Variants in DNAH1 observed in about 807,000 individuals in gnomAD.
DNAH1 encodes the protein dynein axonemal heavy chain 1.
Under a neutral mutation model 484.3 loss-of-function variants are expected in DNAH1, and 327 were observed. The ratio of observed to expected loss-of-function variants is 0.68; its 90% CI spans 0.62 to 0.74. The LOEUF is 0.74. Among genes scored for constraint, DNAH1 ranks in the 30% least tolerant of loss-of-function variants. DNAH1 has a pLI of 0.00. For synonymous variants in DNAH1, 2,192 were observed against 2,191.9 expected (o/e 1.00, Z 0.00); for missense variants, 5,052 against 5,546.8 (o/e 0.91, Z 2.83).
intron 46 of DNAH1, among the ~76,000 whole-genome samples, chr3:52,377,633 AT>A (rs1363815856): frequency 6.6e-6 from 1 of 151,508 alleles, no homozygotes; most frequent in Non-Finnish European, 1.5e-5. Context: ...TCATCCCCTC[AT>A]TGCTGGTCCT....
At position 52,388,445 on chromosome 3, in the gene DNAH1, C is replaced by G. The variant is rs758105617; in HGVS notation, c.9199C>G (p.Leu3067Val). 1 of 1,612,684 alleles carries G rather than the reference C, an allele frequency of 6.2e-7. No homozygotes were observed. The highest frequency in any genetic ancestry group is 8.5e-7 in the Non-Finnish European group (1 of 1,179,386). ...RQALLEAQDD[L>V]GVTQRILDEA... ...AGCCCTGCTGGAGGCCCAGGATGAC[C>G]TGGGGGTGACACAGAGGATCCTGGA... Residue 3067 changes from leucine to valine, a missense_variant, in exon 58 of 78, where the codon CTG becomes GTG. This residue lies in a region of DNAH1 where 2,929 missense variants were observed against 3,409.4 expected (regional missense o/e 0.86). Transcript: ENST00000420323.
intron 3 of DNAH1, among the ~76,000 whole-genome samples, chr3:52,325,209 C>A (rs1701293213): frequency 6.6e-6 from 1 of 152,192 alleles, no homozygotes; most frequent in African/African-American, 2.4e-5. Context: ...GGACACTGCC[C>A]AGGCACCACC....
rs539596030 is a variant in DNAH1, at chr3:52,326,243, C to T, written c.510C>T (p.Ala170=). Residue 170 remains alanine (A), a synonymous_variant, in exon 4 of 78, where the codon GCC becomes GCT. Transcript: ENST00000420323. ...CCCAGACTGACTTCCCACTGCAGGCCTACGAGCCCAAGATGCAGGTGCCTT... is the reference window on the plus strand; with the variant it reads ...CCCAGACTGACTTCCCACTGCAGGCTTACGAGCCCAAGATGCAGGTGCCTT... ...LLAQTDFPLQ[A]YEPKMQVPFQ... 3.7e-6 allele frequency: 6 copies of T among 1,613,092 alleles called. No homozygotes were observed. Among genetic ancestry groups the T allele is most frequent in the Non-Finnish European group, 5.1e-6 (6 of 1,179,730 alleles).
At chr3:52,357,206 C>T (rs965728284) in intron 22 of DNAH1, among the ~76,000 whole-genome samples, 5 of 151,982 alleles carry the variant, frequency 3.3e-5, no homozygotes, top group African/African-American at 4.8e-5. Context: ...CATGCGCCAC[C>T]ACGCGTGGCT....
Position 52,344,554 on chromosome 3 carries a change from A to G in DNAH1, c.1351A>G (p.Lys451Glu), listed in dbSNP as rs76591348. The G allele has an allele frequency of 1.2e-3, 1,875 of 1,614,012 alleles. 6 individuals carry two copies. The highest frequency in any genetic ancestry group is 4.5e-3 in the Middle Eastern group (27 of 6,062). ...CCTGGACTATGAGCGCAGCATGAAC[A>G]AGATCAACTTTGACCACGTTGTCTC... ...VSLDYERSMN[K>E]INFDHVVSSK... is the part of the protein sequence containing the mutation. The change falls in exon 9 of 78, where the codon AAG (lysine) becomes GAG (glutamate). Residue 451 changes from lysine (K) to glutamate (E), a missense_variant. Lys to Glu is a moderately conservative substitution (Grantham distance 56, BLOSUM62 1). Around this residue, in one of 4 missense-constraint regions of DNAH1, gnomAD observed 1,263 missense variants for 1,218.8 expected, o/e 1.04. Transcript: ENST00000420323.
Position 52,346,636 on chromosome 3 carries a change from G to C in DNAH1, c.1821G>C (p.Leu607=). ...TGATGGAGCTGGTGAAGTACATGCTGCAGGACACACTGCGCTTCCTGGTGC... is the reference window on the plus strand; with the variant it reads ...TGATGGAGCTGGTGAAGTACATGCTCCAGGACACACTGCGCTTCCTGGTGC... ...RKLMELVKYM[L]QDTLRFLVQD... Residue 607 remains leucine (L), a synonymous_variant, in exon 11 of 78, where the codon CTG becomes CTC. Coordinates refer to ENST00000420323, the MANE Select transcript of DNAH1 (RefSeq NM_015512.5). 6.2e-7 allele frequency: 1 copy of C among 1,614,064 alleles called. No individual in the cohort carries two copies. The highest frequency in any genetic ancestry group is 1.3e-5 in the African/African-American group (1 of 75,064).
upstream of DNAH1, among the ~76,000 whole-genome samples, chr3:52,315,324 G>A (rs1285536743): frequency 5.3e-5 from 8 of 152,206 alleles, no homozygotes; most frequent in Non-Finnish European, 1.2e-4. Context: ...GTCACCTTCC[G>A]TTCTGGCTGG....
chr3:52,360,926 A>G (rs1702827560), intron 28 of DNAH1, among the ~76,000 whole-genome samples: 1 of 152,076 alleles, frequency 6.6e-6, no homozygotes, highest in South Asian at 2.1e-4. Context: ...AAGTGTGGCC[A>G]CATGTCGGCC....
Position 52,394,974 on chromosome 3 carries a change from T to G in DNAH1, c.10883T>G (p.Leu3628Arg). Residue 3628 changes from leucine to arginine, a missense_variant, in exon 68 of 78, where the codon CTC (leucine) becomes CGC (arginine). This residue lies in a region of DNAH1 where 853 missense variants were observed against 899.0 expected (regional missense o/e 0.95). Coordinates refer to ENST00000420323, the MANE Select transcript of DNAH1 (RefSeq NM_015512.5). ...YLDQFQKLLV[L>R]RCLRGDKVTN... ...GACCAGTTCCAGAAGCTGCTAGTCCTCCGCTGCCTGCGTGGGGACAAGGTT... is the reference window on the plus strand; with the variant it reads ...GACCAGTTCCAGAAGCTGCTAGTCCGCCGCTGCCTGCGTGGGGACAAGGTT... 1 of 1,613,152 alleles carries G rather than the reference T, an allele frequency of 6.2e-7. No homozygotes were observed. The highest frequency in any genetic ancestry group is 8.5e-7 in the Non-Finnish European group (1 of 1,179,560).
intron 20 of DNAH1, among the ~76,000 whole-genome samples, chr3:52,354,038 T>G (rs1361547403): frequency 6.6e-6 from 1 of 151,382 alleles, no homozygotes; most frequent in African/African-American, 2.4e-5. Context: ...TACAAAAAAT[T>G]AAGATATTAG....
At position 52,358,477 on chromosome 3, in the gene DNAH1, A is replaced by G; in HGVS notation, c.4087-81A>G. 2 of 1,412,600 alleles carry G rather than the reference A, an allele frequency of 1.4e-6. No homozygotes were observed. Among genetic ancestry groups the G allele is most frequent in the Non-Finnish European group, 1.9e-6 (2 of 1,052,428 alleles). The allele number at this position is 1,412,600 out of a possible 1,614,324, so 87.5% of individuals were successfully genotyped here. On this transcript the variant is annotated intron_variant, in intron 24 of 77. Coordinates refer to ENST00000420323, the MANE Select transcript of DNAH1 (RefSeq NM_015512.5). This position sits in a 1 kb window ranked among gnomAD's most constrained non-coding sequence, Gnocchi z 4.2. ...CTTCTTGAGGTGGAGGGCACCGGGC[A>G]GGCTTAGCGCTGGGGCTGTGGTGGC...
intron 52 of DNAH1, 135 bp downstream of exon 52, chr3:52,384,166 G>C: frequency 2.1e-6 from 2 of 957,316 alleles, no homozygotes; most frequent in Non-Finnish European, 3.0e-6. Flanking sequence ...TGTGTTTCCT[G>C]TCTAAGCCTC....
chr3:52,324,000 G>C (rs1701246414), intron 3 of DNAH1, 120 bp downstream of exon 3: 1 of 728,486 alleles, frequency 1.4e-6, no homozygotes, highest in South Asian at 1.9e-5. Context: ...TGTGGAGCGG[G>C]GATAATAAGA....
chr3:52,361,859 G>A lies in DNAH1; in HGVS notation c.4980+93G>A. 3 of 1,332,844 alleles carry A rather than the reference G, an allele frequency of 2.3e-6. No individual in the cohort carries two copies. Among genetic ancestry groups the A allele is most frequent in the Non-Finnish European group, 3.1e-6 (3 of 966,294 alleles). The allele number at this position is 1,332,844 out of a possible 1,614,324, so 82.6% of individuals were successfully genotyped here. Reference sequence around the variant, plus strand: ...TGCAGGCTGAGAAGCCAGGCGCTAAGGTCCACCCTGGGTCCAGCCTCTCTT... The same window carrying A: ...TGCAGGCTGAGAAGCCAGGCGCTAAAGTCCACCCTGGGTCCAGCCTCTCTT... On this transcript the variant is annotated intron_variant, in intron 30 of 77. Transcript: ENST00000420323. The surrounding 1 kb of genome is among the most constrained non-coding windows in gnomAD (Gnocchi z 5.6).
chr3:52,362,489 T>C lies in DNAH1; in HGVS notation c.5082T>C (p.Pro1694=), dbSNP rs753863726. ...NPGYAGRTEL[P]DNLKALFRPV... is the part of the protein sequence containing the mutation. ...GCTACGCTGGCCGCACGGAGCTGCC[T>C]GACAATCTGAAGGCAAGTGCAGGCC... The change falls in exon 31 of 78, where the codon CCT becomes CCC. Residue 1694 remains proline (P), a synonymous_variant. Transcript: ENST00000420323. The surrounding 1 kb of genome is among the most constrained non-coding windows in gnomAD (Gnocchi z 5.1). 1.5e-5 allele frequency: 24 copies of C among 1,613,500 alleles called. No homozygotes were observed. Among genetic ancestry groups the C allele is most frequent in the Non-Finnish European group, 1.9e-5 (22 of 1,179,844 alleles).
At position 52,361,677 on chromosome 3, in the gene DNAH1, TGCTTCGACGAGTTCAATC is replaced by T. The variant is rs763015677; in HGVS notation, c.4894_4911del (p.Phe1632_Arg1637del). ...CTCACTCAGTGCTGGGGCCTGGGCC[TGCTTCGACGAGTTCAATC>T]GCATCGACATCGAGGTGCTGTCTGT... On this transcript the variant is annotated inframe_deletion, in exon 30 of 78. Coordinates refer to ENST00000420323, the MANE Select transcript of DNAH1 (RefSeq NM_015512.5). The surrounding 1 kb of genome is among the most constrained non-coding windows in gnomAD (Gnocchi z 5.6). 2 of 1,607,838 alleles carry T rather than the reference TGCTTCGACGAGTTCAATC, an allele frequency of 1.2e-6. No homozygotes were observed. Among genetic ancestry groups the T allele is most frequent in the African/African-American group, 2.7e-5 (2 of 74,962 alleles).
intron 45 of DNAH1, 61 bp from the exon 46 acceptor site, chr3:52,375,894 A>C: frequency 6.3e-7 from 1 of 1,595,368 alleles, no homozygotes. Context: ...TCACCTGGCC[A>C]GGGTGAGCAG....
intron 50 of DNAH1, among the ~76,000 whole-genome samples, chr3:52,382,967 C>A (rs1703921921): frequency 6.6e-6 from 1 of 152,238 alleles, no homozygotes. Context: ...CAGCCCTGTC[C>A]CAACCCCAGA....
At position 52,353,119 on chromosome 3, in the gene DNAH1, G is replaced by A. The variant is rs761739967; in HGVS notation, c.3044G>A (p.Arg1015Lys). ...LPITNYDKLS[R>K]MVKEFQPYLD... ...TCCCTGCAGTATGACAAGCTCTCCA[G>A]GATGGTGAAGGAGTTCCAACCCTAC... The change falls in exon 19 of 78, where the codon AGG (arginine) becomes AAG (lysine). Residue 1015 changes from arginine (R) to lysine (K), a missense_variant. Coordinates refer to ENST00000420323, the MANE Select transcript of DNAH1 (RefSeq NM_015512.5). This position sits in a 1 kb window ranked among gnomAD's most constrained non-coding sequence, Gnocchi z 5.0. 6.2e-6 allele frequency: 10 copies of A among 1,613,562 alleles called. No homozygotes were observed. In the South Asian group the frequency reaches 7.7e-5, roughly 12 times the overall value.
Sources: allele counts gnomAD v4.1 joint callset (sites outside exome capture counted in the v4.1 genomes callset), GRCh38; gene constraint gnomAD v4.1.1; regional missense constraint gnomAD v4.1.1; non-coding constraint Gnocchi (gnomAD v3.1); transcripts MANE v1.5; gene names NCBI Gene and HGNC (gene_info 2026-07-23, HGNC 2026-07-21).